USH2A: variants seen among roughly 807,000 people sequenced by gnomAD.
USH2A encodes the protein usherin, also known as Usher syndrome 2A (autosomal recessive, mild).
USH2A carries 443 observed loss-of-function variants against 538.9 expected under a neutral mutation model. That is an observed-to-expected ratio of 0.82 (90% CI 0.76 to 0.89). The LOEUF (loss-of-function observed/expected upper bound fraction) is 0.89, where lower values mean the gene tolerates loss of function less well. Ranked by LOEUF, USH2A falls within the 40% of genes least tolerant of loss-of-function variation. The pLI is 0.00. For synonymous variants in USH2A, 2,413 were observed against 2,273.5 expected (o/e 1.06, Z -1.75); for missense variants, 6,633 against 6,324.8 (o/e 1.05, Z -1.65).
intron 4 of USH2A, among the ~76,000 whole-genome samples, chr1:216,348,201 T>C (rs1044076896): frequency 1.3e-5 from 2 of 152,192 alleles, no homozygotes; most frequent in Non-Finnish European, 2.9e-5. Flanking sequence ...TGACAATAGA[T>C]ATTTGCATAA....
chr1:215,731,532 G>A (rs1330286861), intron 60 of USH2A, among the ~76,000 whole-genome samples: 3 of 152,116 alleles, frequency 2.0e-5, no homozygotes, highest in Non-Finnish European at 4.4e-5. Context: ...CTTTGCTCAG[G>A]CTCATTTGGG....
intron 11 of USH2A, among the ~76,000 whole-genome samples, chr1:216,286,877 A>G (rs1317221143): frequency 6.6e-6 from 1 of 152,214 alleles, no homozygotes; most frequent in Non-Finnish European, 1.5e-5. Flanking sequence ...AACTTTAAAG[A>G]GTAATTAACA....
chr1:215,637,309 G>A (rs1413062083), intron 69 of USH2A, among the ~76,000 whole-genome samples: 1 of 152,168 alleles, frequency 6.6e-6, no homozygotes, highest in Non-Finnish European at 1.5e-5. Flanking sequence ...TATTTAAAGA[G>A]CAGATTCTGA....
intron 32 of USH2A, among the ~76,000 whole-genome samples, chr1:216,026,373 C>T (rs764706138): frequency 2.5e-4 from 38 of 152,116 alleles, no homozygotes; most frequent in Non-Finnish European, 4.3e-4. Flanking sequence ...TGGCATCTCT[C>T]AGGGGTTTTG....
chr1:215,960,836 A>G (rs764185913), intron 37 of USH2A, among the ~76,000 whole-genome samples: 3 of 152,128 alleles, frequency 2.0e-5, no homozygotes, highest in Admixed American at 6.6e-5. Context: ...AGAAAGACCC[A>G]GTATTACCAA....
chr1:215,943,321 A>T (rs997326113), intron 37 of USH2A, among the ~76,000 whole-genome samples: 7 of 152,178 alleles, frequency 4.6e-5, no homozygotes, highest in African/African-American at 1.2e-4. Flanking sequence ...TCTGGAAATT[A>T]AAAAATGCAG....
chr1:216,188,842 C>A (rs1383255887), intron 20 of USH2A, among the ~76,000 whole-genome samples: 1 of 151,868 alleles, frequency 6.6e-6, no homozygotes, highest in African/African-American at 2.4e-5. Flanking sequence ...TGCTTGGGAT[C>A]CCTATGTCCC....
At chr1:215,992,383 A>G (rs892754022) in intron 35 of USH2A, among the ~76,000 whole-genome samples, 8 of 152,308 alleles carry the variant, frequency 5.3e-5, no homozygotes, top group Admixed American at 5.2e-4. Context: ...AATTCTTCAT[A>G]ATGAGATTTT....
chr1:216,110,344 A>T (rs939279191), intron 21 of USH2A, among the ~76,000 whole-genome samples: 1 of 152,114 alleles, frequency 6.6e-6, no homozygotes, highest in African/African-American at 2.4e-5. Flanking sequence ...CTAAAACAAA[A>T]GAAAACAAAA....
chr1:215,659,834 G>C lies in USH2A; in HGVS notation c.14134-9033C>G, dbSNP rs77426090. 5.9e-3 allele frequency among the ~76,000 whole-genome samples: 892 copies of C among 152,274 alleles called. 26 individuals carry two copies. In the South Asian group the frequency reaches 0.072, roughly 12 times the overall value. ...GACTTGAAGAAGCTGCAGTTCAGCA[G>C]AGCCACCTTGAACTTGGGGTCAGAA... On this transcript the variant is annotated intron_variant, in intron 64 of 71. Coordinates refer to ENST00000307340, the MANE Select transcript of USH2A (RefSeq NM_206933.4).
At chr1:215,655,961 C>T (rs997370624) in intron 64 of USH2A, among the ~76,000 whole-genome samples, 3 of 151,986 alleles carry the variant, frequency 2.0e-5, no homozygotes, top group African/African-American at 7.3e-5. Context: ...GTCTCAAACT[C>T]CTGACCTAGT....
At chr1:215,833,392 A>T (rs1376071395) in intron 47 of USH2A, among the ~76,000 whole-genome samples, 1 of 151,986 alleles carries the variant, frequency 6.6e-6, no homozygotes, top group Non-Finnish European at 1.5e-5. Context: ...AAAATGGCCT[A>T]CAAAACGTGT....
chr1:216,399,549 A>G (rs947084298), intron 3 of USH2A, among the ~76,000 whole-genome samples: 5 of 152,060 alleles, frequency 3.3e-5, no homozygotes. Context: ...ACCTGGCATC[A>G]ATGAGGCAGA....
intron 21 of USH2A, among the ~76,000 whole-genome samples, chr1:216,150,845 G>A (rs1031946541): frequency 1.3e-5 from 2 of 152,026 alleles, no homozygotes; most frequent in Non-Finnish European, 1.5e-5. Context: ...TCACCTTCTC[G>A]ATGTTCCTTT....
intron 20 of USH2A, among the ~76,000 whole-genome samples, chr1:216,180,112 C>T (rs2034464856): frequency 1.3e-5 from 2 of 151,968 alleles, no homozygotes; most frequent in South Asian, 2.1e-4. Context: ...ATATAAGGTG[C>T]TATCATTACA....
At chr1:215,804,586 A>T (rs1662438867) in intron 49 of USH2A, among the ~76,000 whole-genome samples, 1 of 147,868 alleles carries the variant, frequency 6.8e-6, no homozygotes, top group Admixed American at 6.7e-5. Flanking sequence ...ACAATGAGAT[A>T]CTATCTCACA....
chr1:215,731,986 C>T (rs1269812185), intron 60 of USH2A, among the ~76,000 whole-genome samples: 1 of 152,112 alleles, frequency 6.6e-6, no homozygotes, highest in Non-Finnish European at 1.5e-5. Context: ...GAGTTAATAA[C>T]CTCATAGAGT....
At chr1:215,805,873 G>A (rs1662486172) in intron 49 of USH2A, among the ~76,000 whole-genome samples, 1 of 151,260 alleles carries the variant, frequency 6.6e-6, no homozygotes, top group South Asian at 2.1e-4. Context: ...ATAAAGCCAA[G>A]AATGAGGGCA....
chr1:215,826,382 C>T (rs1175492613), intron 47 of USH2A, among the ~76,000 whole-genome samples: 1 of 152,160 alleles, frequency 6.6e-6, no homozygotes, highest in African/African-American at 2.4e-5. Context: ...CCCAAGAAAG[C>T]ATCACTTGCC....
Sources: allele counts gnomAD v4.1 joint callset (sites outside exome capture counted in the v4.1 genomes callset), GRCh38; gene constraint gnomAD v4.1.1; transcripts MANE v1.5; gene names NCBI Gene and HGNC (gene_info 2026-07-23, HGNC 2026-07-21).